CDH4: variants seen among roughly 807,000 people sequenced by gnomAD.
CDH4 encodes cadherin 4.
CDH4 carries 33 observed loss-of-function variants against 86.0 expected under a neutral mutation model. The observed-to-expected ratio is 0.38, with a 90% CI of 0.29 to 0.51. The LOEUF (loss-of-function observed/expected upper bound fraction) is 0.51. Among genes scored for constraint, CDH4 ranks in the 20% least tolerant of loss-of-function variants. The probability of loss-of-function intolerance (pLI) is 0.86; values close to 1 mark genes in which losing one functional copy is unlikely to be tolerated. For missense variants in CDH4, 1,114 were observed against 1,307.4 expected (o/e 0.85, Z 2.28); for synonymous variants, 555 against 549.4 (o/e 1.01, Z -0.14).
At chr20:61,365,046 G>A (rs1187375196) in intron 2 of CDH4, among the ~76,000 whole-genome samples, 1 of 152,198 alleles carries the variant, frequency 6.6e-6, no homozygotes, top group Non-Finnish European at 1.5e-5. Flanking sequence ...TGGATTCCAA[G>A]ATATGGAATG....
intron 2 of CDH4, among the ~76,000 whole-genome samples, chr20:61,605,343 C>G (rs1202163253): frequency 3.0e-5 from 4 of 131,784 alleles, no homozygotes; most frequent in Non-Finnish European, 6.8e-5. Context: ...CTCTGTGTGT[C>G]TCTCTCTGTC....
intron 2 of CDH4, among the ~76,000 whole-genome samples, chr20:61,285,571 T>C (rs1255738671): frequency 1.3e-5 from 2 of 152,208 alleles, no homozygotes; most frequent in Non-Finnish European, 2.9e-5. Context: ...GGGCAGATAA[T>C]GATGGCACCA....
At chr20:61,770,838 A>G (rs1208429329) in intron 3 of CDH4, among the ~76,000 whole-genome samples, 1 of 150,514 alleles carries the variant, frequency 6.6e-6, no homozygotes, top group Admixed American at 6.6e-5. Flanking sequence ...AGCCGAGATC[A>G]CACCACTGCA....
intron 2 of CDH4, among the ~76,000 whole-genome samples, chr20:61,644,865 T>C (rs969686041): frequency 6.6e-6 from 1 of 152,230 alleles, no homozygotes; most frequent in Non-Finnish European, 1.5e-5. Flanking sequence ...AAACACATGC[T>C]GTGAGCTGGA....
chr20:61,908,056 G>A (rs561173699), intron 8 of CDH4, among the ~76,000 whole-genome samples: 5 of 152,318 alleles, frequency 3.3e-5, no homozygotes, highest in East Asian at 3.9e-4. Flanking sequence ...GCCGGGCTGC[G>A]GGGTTTTCAG....
intron 12 of CDH4, among the ~76,000 whole-genome samples, chr20:61,929,389 C>G (rs954497862): frequency 6.6e-6 from 1 of 152,230 alleles, no homozygotes; most frequent in Non-Finnish European, 1.5e-5. Flanking sequence ...CTGCCCACCT[C>G]AGCCTCCCAA....
chr20:61,851,344 G>T (rs1177799583), intron 5 of CDH4, among the ~76,000 whole-genome samples: 1 of 152,176 alleles, frequency 6.6e-6, no homozygotes, highest in Non-Finnish European at 1.5e-5. Flanking sequence ...CTGGATGGTT[G>T]GAGCCAAACC....
intron 2 of CDH4, among the ~76,000 whole-genome samples, chr20:61,261,981 C>A (rs759338083): frequency 6.6e-6 from 1 of 152,172 alleles, no homozygotes; most frequent in African/African-American, 2.4e-5. Context: ...AGCTCTCTCT[C>A]GGATTTTAGA....
At chr20:61,693,093 G>A (rs1422330661) in intron 2 of CDH4, among the ~76,000 whole-genome samples, 3 of 152,116 alleles carry the variant, frequency 2.0e-5, no homozygotes, top group African/African-American at 4.8e-5. Context: ...ACTGATCACC[G>A]GCTCACCTGG....
chr20:61,553,868 C>T (rs569552198), intron 2 of CDH4, among the ~76,000 whole-genome samples: 8 of 152,318 alleles, frequency 5.3e-5, no homozygotes, highest in African/African-American at 1.4e-4. Flanking sequence ...GAGGCAAGTT[C>T]CCTCCAAAAT....
intron 7 of CDH4, among the ~76,000 whole-genome samples, chr20:61,878,767 G>T (rs1205712298): frequency 2.6e-5 from 4 of 152,392 alleles, no homozygotes; most frequent in South Asian, 4.1e-4. Context: ...TGCCCGCTCA[G>T]CCATTCCAGG....
At chr20:61,922,888 T>C (rs2054996919) in intron 9 of CDH4, among the ~76,000 whole-genome samples, 1 of 152,254 alleles carries the variant, frequency 6.6e-6, no homozygotes, top group Non-Finnish European at 1.5e-5. Context: ...CCTGAAGCCC[T>C]GGGATTACAG....
chr20:61,500,217 T>C (rs940086674), intron 2 of CDH4, among the ~76,000 whole-genome samples: 1 of 152,156 alleles, frequency 6.6e-6, no homozygotes, highest in African/African-American at 2.4e-5. Flanking sequence ...GGAAGTATCA[T>C]CATAAGCTGC....
chr20:61,302,486 T>TG (rs140938021), intron 2 of CDH4, among the ~76,000 whole-genome samples: 13,977 of 144,816 alleles, frequency 0.097, 721 homozygotes, highest in African/African-American at 0.11. Context: ...TGGCCTGGGT[T>TG]GGGGGGGGTC....
At chr20:61,629,749 G>A (rs769280427) in intron 2 of CDH4, among the ~76,000 whole-genome samples, 4 of 152,156 alleles carry the variant, frequency 2.6e-5, no homozygotes, top group Non-Finnish European at 5.9e-5. Flanking sequence ...TGTCCCACGC[G>A]GCTCCCTGCC....
At chr20:61,646,207 T>TC (rs2087059659) in intron 2 of CDH4, among the ~76,000 whole-genome samples, 1 of 151,670 alleles carries the variant, frequency 6.6e-6, no homozygotes, top group African/African-American at 2.4e-5. Flanking sequence ...GGCACCTAGA[T>TC]CAGGGGCCTC....
intron 4 of CDH4, among the ~76,000 whole-genome samples, chr20:61,803,111 A>G (rs4925291): frequency 0.5 from 76,430 of 152,184 alleles, 19,631 homozygotes; most frequent in East Asian, 0.65. Context: ...GCCCTGTCTC[A>G]GCAGCGCGGC....
At chr20:61,815,212 C>T (rs1226394148) in intron 4 of CDH4, among the ~76,000 whole-genome samples, 1 of 152,180 alleles carries the variant, frequency 6.6e-6, no homozygotes, top group Non-Finnish European at 1.5e-5. Flanking sequence ...GTACGAAGTC[C>T]TGTCTAACCC....
At chr20:61,315,132 TA>T (rs1229459629) in intron 2 of CDH4, among the ~76,000 whole-genome samples, 2 of 152,116 alleles carry the variant, frequency 1.3e-5, no homozygotes, top group African/African-American at 4.8e-5. Context: ...CTCAGGTGCA[TA>T]GGGGCTCAAG....
Sources: allele counts gnomAD v4.1 joint callset (sites outside exome capture counted in the v4.1 genomes callset), GRCh38; gene constraint gnomAD v4.1.1; transcripts MANE v1.5; gene names NCBI Gene and HGNC (gene_info 2026-07-23, HGNC 2026-07-21).